The following PARD3B variants were observed in gnomAD, a reference collection of about 807,000 sequenced individuals.
PARD3B encodes par-3 family cell polarity regulator beta.
Under a neutral mutation model 130.2 loss-of-function variants are expected in PARD3B, and 103 were observed. That is an observed-to-expected ratio of 0.79 (90% CI 0.67 to 0.93). PARD3B has a LOEUF of 0.93. PARD3B is among the 40% of genes least tolerant of loss of function. The probability of loss-of-function intolerance (pLI) is 0.00; values close to 1 mark genes in which losing one functional copy is unlikely to be tolerated. For missense variants in PARD3B, 1,609 were observed against 1,499.2 expected (o/e 1.07, Z -1.21); for synonymous variants, 583 against 553.2 (o/e 1.05, Z -0.76).
Position 205,326,837 on chromosome 2 carries a change from C to T in PARD3B, c.2630+25136C>T, listed in dbSNP as rs551776785. On this transcript the variant is annotated intron_variant, in intron 18 of 22. Transcript: ENST00000406610. ...GGGAAATAAGTAGTACATTCTTGTA[C>T]AGTAGTAAATACTTATCATGTAGCA... Among the ~76,000 whole-genome samples the T allele has an allele frequency of 3.9e-5, 6 of 152,194 alleles. No homozygotes were observed. The East Asian group carries it at 1.2e-3, about 29-fold the overall frequency.
intron 2 of PARD3B, among the ~76,000 whole-genome samples, chr2:204,754,938 T>A (rs1371155519): frequency 6.6e-6 from 1 of 152,114 alleles, no homozygotes; most frequent in East Asian, 1.9e-4. Context: ...TATAATTACA[T>A]TTTGAAAACC....
chr2:204,859,853 A>T (rs2045112423), intron 2 of PARD3B, among the ~76,000 whole-genome samples: 2 of 152,176 alleles, frequency 1.3e-5, no homozygotes, highest in Admixed American at 1.3e-4. Flanking sequence ...GGAGGATATT[A>T]ATGGAACTCT....
At chr2:205,476,211 A>C (rs1026917321) in intron 20 of PARD3B, among the ~76,000 whole-genome samples, 2 of 152,196 alleles carry the variant, frequency 1.3e-5, no homozygotes, top group Non-Finnish European at 2.9e-5. Context: ...TAGCCAGACT[A>C]CACGTTGTCG....
At chr2:204,966,462 T>A (rs1691262073) in intron 3 of PARD3B, among the ~76,000 whole-genome samples, 1 of 152,168 alleles carries the variant, frequency 6.6e-6, no homozygotes, top group Admixed American at 6.5e-5. Context: ...AGCCCCATCA[T>A]TCATTTGCAT....
At chr2:204,754,303 G>A (rs2040580137) in intron 2 of PARD3B, among the ~76,000 whole-genome samples, 1 of 152,076 alleles carries the variant, frequency 6.6e-6, no homozygotes, top group African/African-American at 2.4e-5. Context: ...ATTATGACAG[G>A]CACTGTAGCA....
At chr2:204,937,849 T>C (rs780516990) in intron 2 of PARD3B, among the ~76,000 whole-genome samples, 1 of 152,196 alleles carries the variant, frequency 6.6e-6, no homozygotes. Context: ...ATGCTAATTC[T>C]CCTTCATAAT....
intron 20 of PARD3B, among the ~76,000 whole-genome samples, chr2:205,480,076 G>T (rs1427772613): frequency 6.6e-6 from 1 of 151,800 alleles, no homozygotes; most frequent in Non-Finnish European, 1.5e-5. Context: ...CTAATTTTTT[G>T]TATTTTTTAG....
intron 19 of PARD3B, among the ~76,000 whole-genome samples, chr2:205,411,094 T>G (rs1192057580): frequency 1.3e-5 from 2 of 152,076 alleles, no homozygotes; most frequent in African/African-American, 4.8e-5. Context: ...TACCATACTA[T>G]GGGGGAAGTG....
intron 16 of PARD3B, among the ~76,000 whole-genome samples, chr2:205,252,703 T>G (rs1189108709): frequency 2.0e-5 from 3 of 152,006 alleles, no homozygotes; most frequent in African/African-American, 7.2e-5. Context: ...TAGGCAGAGA[T>G]TAGACCATAC....
intron 19 of PARD3B, among the ~76,000 whole-genome samples, chr2:205,436,802 TG>T (rs2047533195): frequency 6.6e-6 from 1 of 152,136 alleles, no homozygotes; most frequent in Non-Finnish European, 1.5e-5. Context: ...CCTAGATTAC[TG>T]GTCCTATTTT....
At chr2:204,615,330 A>G (rs2034070196) in intron 1 of PARD3B, among the ~76,000 whole-genome samples, 1 of 152,168 alleles carries the variant, frequency 6.6e-6, no homozygotes, top group Admixed American at 6.6e-5. Flanking sequence ...TCACATTAAA[A>G]TCCATTTGTC....
At chr2:205,132,480 C>T (rs2032092625) in intron 10 of PARD3B, among the ~76,000 whole-genome samples, 1 of 152,080 alleles carries the variant, frequency 6.6e-6, no homozygotes, top group Non-Finnish European at 1.5e-5. Context: ...CACTCCTCTC[C>T]TCCCTTTTAT....
At chr2:204,905,847 A>G (rs548830594) in intron 2 of PARD3B, among the ~76,000 whole-genome samples, 1 of 152,346 alleles carries the variant, frequency 6.6e-6, no homozygotes, top group African/African-American at 2.4e-5. Context: ...CTTGAGGACC[A>G]GTAGCAAACC....
intron 18 of PARD3B, among the ~76,000 whole-genome samples, chr2:205,386,376 C>T (rs1216588345): frequency 6.6e-6 from 1 of 152,100 alleles, no homozygotes; most frequent in East Asian, 1.9e-4. Context: ...ACCCCATTAC[C>T]ACAGTGTTCT....
At chr2:205,399,796 A>G (rs1044433695) in intron 18 of PARD3B, among the ~76,000 whole-genome samples, 9 of 152,224 alleles carry the variant, frequency 5.9e-5, no homozygotes, top group African/African-American at 1.9e-4. Flanking sequence ...TGCTCAGAAC[A>G]TACTAACCCA....
rs2029869345 is a variant in PARD3B, at chr2:205,116,623, C to T, written c.681-2298C>T. Among the ~76,000 whole-genome samples, 1 of 152,110 alleles carries T rather than the reference C, an allele frequency of 6.6e-6. No homozygotes were observed. Among genetic ancestry groups the T allele is most frequent in the South Asian group, 2.1e-4 (1 of 4,826 alleles). ...TCTTGGTCCCAAATGAGACAGCTAC[C>T]ACAGCCCACCAGTTCAGGGCAAAGA... On this transcript the variant is annotated intron_variant, in intron 6 of 22. Transcript: ENST00000406610. The surrounding 1 kb of genome is among the most constrained non-coding windows in gnomAD (Gnocchi z 4.5).
intron 2 of PARD3B, among the ~76,000 whole-genome samples, chr2:204,935,158 T>TC (rs1249734876): frequency 6.6e-6 from 1 of 151,454 alleles, no homozygotes; most frequent in Admixed American, 6.6e-5. Context: ...TTTTTTTTTT[T>TC]TTTTTACATT....
intron 16 of PARD3B, among the ~76,000 whole-genome samples, chr2:205,299,200 C>T (rs947831016): frequency 6.6e-6 from 1 of 152,044 alleles, no homozygotes; most frequent in Admixed American, 6.5e-5. Context: ...CTTTTTTGTA[C>T]TTCTTTTGTA....
intron 2 of PARD3B, among the ~76,000 whole-genome samples, chr2:204,828,540 G>T (rs763902318): frequency 1.8e-4 from 28 of 152,222 alleles, no homozygotes; most frequent in Non-Finnish European, 3.2e-4. Context: ...CTTTACTTAC[G>T]TCTCTGCTGA....
Sources: allele counts gnomAD v4.1 joint callset (sites outside exome capture counted in the v4.1 genomes callset), GRCh38; gene constraint gnomAD v4.1.1; non-coding constraint Gnocchi (gnomAD v3.1); transcripts MANE v1.5; gene names NCBI Gene and HGNC (gene_info 2026-07-23, HGNC 2026-07-21).